FMN2: variants seen among roughly 807,000 people sequenced by gnomAD.
The protein encoded by FMN2 is formin 2.
In FMN2, 51 loss-of-function variants were observed where a neutral mutation model predicts 142.3. The observed-to-expected ratio is 0.36, with a 90% CI of 0.29 to 0.45. The LOEUF (loss-of-function observed/expected upper bound fraction) is 0.45. Among genes scored for constraint, FMN2 ranks in the 20% least tolerant of loss-of-function variants. The pLI, the probability that FMN2 is intolerant of heterozygous loss-of-function variation, is 1.00. For synonymous variants in FMN2, 882 were observed against 869.8 expected (o/e 1.01, Z -0.25); for missense variants, 1,936 against 2,122.8 (o/e 0.91, Z 1.73).
intron 12 of FMN2, 75 bp from the exon 13 acceptor site, chr1:240,334,034 G>A (rs936214229): frequency 1.3e-5 from 20 of 1,571,668 alleles, no homozygotes; most frequent in Non-Finnish European, 1.6e-5. Flanking sequence ...TTTTTGTTTT[G>A]GACATACCTG....
chr1:240,241,243 TA>T (rs1423464402), intron 6 of FMN2, among the ~76,000 whole-genome samples: 18 of 126,172 alleles, frequency 1.4e-4, no homozygotes, highest in Non-Finnish European at 2.2e-4. Flanking sequence ...TTTTTAATTG[TA>T]TTTTTTTTTT....
At chr1:240,192,088 C>T (rs983672212) in intron 4 of FMN2, among the ~76,000 whole-genome samples, 3 of 152,138 alleles carry the variant, frequency 2.0e-5, no homozygotes, top group African/African-American at 4.8e-5. Flanking sequence ...TCAGCCCTAC[C>T]GAGTCCCCTC....
At chr1:240,103,323 C>G (rs554974237) in intron 1 of FMN2, among the ~76,000 whole-genome samples, 3 of 152,312 alleles carry the variant, frequency 2.0e-5, no homozygotes, top group Admixed American at 2.0e-4. Flanking sequence ...CCCTGATTTC[C>G]TTTTGTATGT....
At chr1:240,158,895 T>C (rs1664145397) in intron 2 of FMN2, among the ~76,000 whole-genome samples, 1 of 152,190 alleles carries the variant, frequency 6.6e-6, no homozygotes, top group South Asian at 2.1e-4. Context: ...ATATTGTATT[T>C]ATTATTCTTT....
chr1:240,443,956 G>C (rs1443511944), intron 16 of FMN2, among the ~76,000 whole-genome samples: 1 of 152,054 alleles, frequency 6.6e-6, no homozygotes. Flanking sequence ...GTGGAGCTAG[G>C]ATAACAAGAG....
intron 7 of FMN2, among the ~76,000 whole-genome samples, chr1:240,293,728 T>G (rs753041112): frequency 6.6e-6 from 1 of 152,146 alleles, no homozygotes; most frequent in Non-Finnish European, 1.5e-5. Context: ...TGGATTATTA[T>G]TAGGGTGGAA....
chr1:240,277,438 T>C (rs1218870351), intron 7 of FMN2, among the ~76,000 whole-genome samples: 1 of 78,504 alleles, frequency 1.3e-5, no homozygotes, highest in Admixed American at 9.7e-5. Context: ...CTGCCTTTTC[T>C]TTTTTTTTTT....
In FMN2 at chr1:240,169,664, A is replaced by G. The variant is rs905527136; in HGVS notation, c.1783-8257A>G. On this transcript the variant is annotated intron_variant, in intron 2 of 17. Coordinates refer to ENST00000319653, the MANE Select transcript of FMN2 (RefSeq NM_020066.5). The stretch of plus-strand genomic sequence containing the variant: ...ATGTAAAATTTTTTTTTCTGTAGAG[A>G]TAGTCTTGCTATCTCGTCCTGGCTG... 5.3e-5 allele frequency among the ~76,000 whole-genome samples: 8 copies of G among 151,802 alleles called. 1 individual carries two copies. In the East Asian group the frequency reaches 7.8e-4, roughly 15 times the overall value.
In FMN2 at chr1:240,170,370, T is replaced by C. The variant is rs1664653027; in HGVS notation, c.1783-7551T>C. 3 of 1,184,530 alleles carry C rather than the reference T, an allele frequency of 2.5e-6. No individual in the cohort carries two copies. The South Asian group carries it at 3.6e-5, about 14-fold the overall frequency. The allele number at this position is 1,184,530 out of a possible 1,614,324, so 73.4% of individuals were successfully genotyped here. On this transcript the variant is annotated intron_variant, in intron 2 of 17. Coordinates refer to ENST00000319653, the MANE Select transcript of FMN2 (RefSeq NM_020066.5). ...GTTGTTTTCCAGTGATCTTGGGACA[T>C]GAAGGTGCTGGAATTGTGGGAAGTG...
intron 7 of FMN2, among the ~76,000 whole-genome samples, chr1:240,271,482 AT>A (rs1352983049): frequency 2.7e-5 from 4 of 147,412 alleles, no homozygotes; most frequent in South Asian, 2.1e-4. Flanking sequence ...TCATGCCCCC[AT>A]TTTTTTAAAC....
intron 7 of FMN2, 23 bp from the exon 8 acceptor site, chr1:240,294,799 A>G: frequency 1.9e-6 from 3 of 1,613,106 alleles, no homozygotes; most frequent in Non-Finnish European, 2.5e-6. Context: ...ATGGCAATTT[A>G]TATTCTTCTT....
chr1:240,204,993 A>T lies in FMN2; in HGVS notation c.1987-1806A>T, dbSNP rs185593336. Among the ~76,000 whole-genome samples, 219 of 152,318 alleles carry T rather than the reference A, an allele frequency of 1.4e-3. 1 individual carries two copies. The highest frequency in any genetic ancestry group is 5.0e-3 in the African/African-American group (206 of 41,576). On this transcript the variant is annotated intron_variant, in intron 4 of 17. Transcript: ENST00000319653. ...GATCCAGAGTTTAACCTTAGCAAGC[A>T]GGGTAAGAGTTTAGTTTTATACTTA...
chr1:240,437,316 C>T (rs143513542), intron 15 of FMN2, among the ~76,000 whole-genome samples: 252 of 108,542 alleles, frequency 2.3e-3, no homozygotes, highest in Non-Finnish European at 3.1e-3. Context: ...TTTTTTGAGA[C>T]GGAGTCTGGC....
chr1:240,355,758 T>G (rs1445873522), intron 13 of FMN2, 58 bp from the exon 14 acceptor site: 1 of 1,186,272 alleles, frequency 8.4e-7, no homozygotes, highest in African/African-American at 1.5e-5. Flanking sequence ...GTTTTCAAAA[T>G]TGCCTTAATG....
intron 1 of FMN2, among the ~76,000 whole-genome samples, chr1:240,102,213 G>T (rs73128548): frequency 0.15 from 22,787 of 151,972 alleles, 4,759 homozygotes; most frequent in African/African-American, 0.47. Flanking sequence ...GTGTTGAGAG[G>T]TCCTAGGTTT....
intron 8 of FMN2, among the ~76,000 whole-genome samples, chr1:240,311,042 A>G (rs762674017): frequency 3.3e-5 from 5 of 152,178 alleles, no homozygotes; most frequent in African/African-American, 4.8e-5. Flanking sequence ...AAAAAATTCA[A>G]CACCCCCTTT....
chr1:240,270,879 C>T (rs1572139274), intron 7 of FMN2, among the ~76,000 whole-genome samples: 1 of 151,774 alleles, frequency 6.6e-6, no homozygotes, highest in Admixed American at 6.6e-5. Context: ...TCAGTGGGTA[C>T]AAAGTCTCAT....
At chr1:240,447,673 C>G (rs543769341) in intron 16 of FMN2, among the ~76,000 whole-genome samples, 1 of 152,158 alleles carries the variant, frequency 6.6e-6, no homozygotes. Flanking sequence ...GGGGCCTGAA[C>G]GTAGATTCGT....
intron 2 of FMN2, among the ~76,000 whole-genome samples, chr1:240,125,219 A>G (rs1662448916): frequency 2.0e-5 from 3 of 152,220 alleles, no homozygotes; most frequent in African/African-American, 4.8e-5. Flanking sequence ...AATAAATCAC[A>G]TAAAATATTC....
Sources: allele counts gnomAD v4.1 joint callset (sites outside exome capture counted in the v4.1 genomes callset), GRCh38; gene constraint gnomAD v4.1.1; transcripts MANE v1.5; gene names NCBI Gene and HGNC (gene_info 2026-07-23, HGNC 2026-07-21).